PTPN21: variants seen among roughly 807,000 people sequenced by gnomAD.
The protein encoded by PTPN21 is protein tyrosine phosphatase non-receptor type 21.
Under a neutral mutation model 131.8 loss-of-function variants are expected in PTPN21, and 77 were observed. The observed-to-expected ratio is 0.58, with a 90% CI of 0.49 to 0.71. The LOEUF (loss-of-function observed/expected upper bound fraction) is 0.71. Ranked by LOEUF, PTPN21 falls within the 30% of genes least tolerant of loss-of-function variation. The pLI is 0.00. For missense variants in PTPN21, 1,552 were observed against 1,527.1 expected (o/e 1.02, Z -0.27); for synonymous variants, 715 against 621.3 (o/e 1.15, Z -2.24).
chr14:88,547,523 G>C, intron 2 of PTPN21: 1 of 334,744 alleles, frequency 3.0e-6, no homozygotes, highest in Non-Finnish European at 5.9e-6. Flanking sequence ...GTGTGGTGGA[G>C]TGTACCTGTA....
At chr14:88,525,045 C>T (rs2078454279) in intron 2 of PTPN21, among the ~76,000 whole-genome samples, 1 of 151,818 alleles carries the variant, frequency 6.6e-6, no homozygotes, top group South Asian at 2.1e-4. Context: ...AAGTTTGAGA[C>T]AATCGTGGAC....
chr14:88,502,009 G>A (rs2078016466), intron 6 of PTPN21, among the ~76,000 whole-genome samples: 1 of 151,904 alleles, frequency 6.6e-6, no homozygotes, highest in African/African-American at 2.4e-5. Flanking sequence ...CAAAATATGA[G>A]GCATTACTGA....
At position 88,479,768 on chromosome 14, in the gene PTPN21, G is replaced by A. The variant is rs1475801259; in HGVS notation, c.1663C>T (p.Pro555Ser). ...AQLQAQDYPS[P>S]NIMRTQVYRP... ...TACACCTGCGTCCGCATGATGTTGG[G>A]AGACGGGTAGTCCTGCGCCTGCAGC... The change falls in exon 13 of 19, where the codon CCC (proline) becomes TCC (serine). Residue 555 changes from proline to serine, a missense_variant. Physicochemically the swap from Pro to Ser is moderately conservative, Grantham distance 74 (BLOSUM62 -1). This residue lies in a region of PTPN21 where 1,016 missense variants were observed against 883.5 expected (regional missense o/e 1.15). Transcript: ENST00000556564. 12 of 1,545,618 alleles carry A rather than the reference G, an allele frequency of 7.8e-6. No homozygotes were observed. Among genetic ancestry groups the A allele is most frequent in the Admixed American group, 1.8e-5 (1 of 54,372 alleles).
At chr14:88,542,397 A>G (rs1342235357) in intron 2 of PTPN21, among the ~76,000 whole-genome samples, 2 of 152,192 alleles carry the variant, frequency 1.3e-5, no homozygotes, top group East Asian at 3.9e-4. Context: ...AATTCACCTT[A>G]CAAATCTCGA....
At chr14:88,517,527 G>C (rs1245766422) in intron 2 of PTPN21, among the ~76,000 whole-genome samples, 1 of 151,694 alleles carries the variant, frequency 6.6e-6, no homozygotes, top group Non-Finnish European at 1.5e-5. Context: ...ATACATTCAC[G>C]ACCTAGACAC....
chr14:88,480,656 A>G lies in PTPN21; in HGVS notation c.1079-304T>C, dbSNP rs114832994. Among the ~76,000 whole-genome samples the G allele has an allele frequency of 8.6e-3, 1,308 of 152,268 alleles. 27 individuals carry two copies. The highest frequency in any genetic ancestry group is 0.03 in the African/African-American group (1,232 of 41,552). ...ACTTTTTGGAACTCTGGGGAAGTTG[A>G]GGCAGAGATACCATTCAAGGCACTG... is the stretch of plus-strand genomic sequence containing the variant. On this transcript the variant is annotated intron_variant, in intron 12 of 18. Coordinates refer to ENST00000556564, the MANE Select transcript of PTPN21 (RefSeq NM_007039.4).
At chr14:88,517,724 ATATATACTATATATACACGTGTG>A (rs570060615) in intron 2 of PTPN21, among the ~76,000 whole-genome samples, 11,351 of 141,928 alleles carry the variant, frequency 0.08, 696 homozygotes, top group African/African-American at 0.18. Flanking sequence ...GTGTATGTGT[ATATATACTATATATACACGTGTG>A]TATATACTAG....
chr14:88,505,186 T>G (rs1566830627), intron 5 of PTPN21, 118 bp downstream of exon 5: 1 of 848,192 alleles, frequency 1.2e-6, no homozygotes, highest in East Asian at 2.5e-5. Flanking sequence ...GAGGGAATTT[T>G]TTTTTATAAT....
intron 3 of PTPN21, among the ~76,000 whole-genome samples, chr14:88,512,123 T>C (rs1203859945): frequency 1.3e-5 from 2 of 152,322 alleles, no homozygotes; most frequent in East Asian, 3.9e-4. Flanking sequence ...ATCAACCTTA[T>C]GCCTACCACG....
chr14:88,505,471 A>G (rs1459964991), intron 4 of PTPN21, 100 bp from the exon 5 acceptor site: 4 of 731,334 alleles, frequency 5.5e-6, no homozygotes, highest in Non-Finnish European at 9.0e-6. Context: ...TGGTATGCTA[A>G]TATTTCAGAA....
rs1380681465 is a variant in PTPN21, at chr14:88,473,659, A to AC, written c.2649+5dup. 2 of 1,612,080 alleles carry AC rather than the reference A, an allele frequency of 1.2e-6. No individual in the cohort carries two copies. Reference sequence around the variant, plus strand: ...AGGCACAAAGCCCTGTGTGTCCCATACATACCCTTTCATCATTCGTTGCTC... The same window carrying AC: ...AGGCACAAAGCCCTGTGTGTCCCATACCATACCCTTTCATCATTCGTTGCTC... On this transcript the variant is annotated splice_donor_region_variant and intron_variant, in intron 14 of 18. Coordinates refer to ENST00000556564, the MANE Select transcript of PTPN21 (RefSeq NM_007039.4).
Position 88,473,722 on chromosome 14 carries a change from T to C in PTPN21, c.2592A>G (p.Arg864=). The change falls in exon 14 of 19, where the codon CGA becomes CGG. Residue 864 remains arginine, a synonymous_variant. Transcript: ENST00000556564. ...CCTTTCCTTCATCAGGCAGAGGCACTCGAGATAGGGAGAGTCCATTTAGGG... is the reference window on the plus strand; with the variant it reads ...CCTTTCCTTCATCAGGCAGAGGCACCCGAGATAGGGAGAGTCCATTTAGGG... The part of the protein sequence containing the change: ...LAALNGLSLS[R]VPLPDEGKEV... The C allele has an allele frequency of 6.2e-7, 1 of 1,612,982 alleles. No homozygotes were observed. The highest frequency in any genetic ancestry group is 8.5e-7 in the Non-Finnish European group (1 of 1,179,830).
chr14:88,485,283 G>A, intron 11 of PTPN21, 123 bp from the exon 12 acceptor site: 1 of 543,104 alleles, frequency 1.8e-6, no homozygotes, highest in East Asian at 3.2e-5. Context: ...TATTATATAT[G>A]GAAAATAAAC....
intron 10 of PTPN21, among the ~76,000 whole-genome samples, chr14:88,486,491 C>T (rs1399906210): frequency 6.6e-6 from 1 of 152,068 alleles, no homozygotes; most frequent in African/African-American, 2.4e-5. Context: ...CCAGCCTAGA[C>T]AACATAGTGA....
intron 2 of PTPN21, 24 bp from the exon 3 acceptor site, chr14:88,517,285 A>C: frequency 4.3e-6 from 7 of 1,609,904 alleles, no homozygotes; most frequent in Non-Finnish European, 6.0e-6. Context: ...AGGTCATTGA[A>C]GGAGGCAATA....
At chr14:88,508,964 C>T (rs1373641685) in intron 3 of PTPN21, among the ~76,000 whole-genome samples, 2 of 152,134 alleles carry the variant, frequency 1.3e-5, no homozygotes, top group African/African-American at 4.8e-5. Flanking sequence ...GTATTCTGCA[C>T]GAACTTGGGC....
chr14:88,469,040 G>T lies in PTPN21; in HGVS notation c.3272C>A (p.Thr1091Lys), dbSNP rs1045831807. The T allele has an allele frequency of 6.2e-7, 1 of 1,614,130 alleles. No homozygotes were observed. The highest frequency in any genetic ancestry group is 1.3e-5 in the African/African-American group (1 of 75,046). ...LEEIQSVRRH[T>K]NSTSDPQSPN... Reference sequence around the variant, plus strand: ...GCTTTGGGGATCACTTGTGCTATTTGTATGGCGTCGAACAGACTGGATCTC... The same window carrying T: ...GCTTTGGGGATCACTTGTGCTATTTTTATGGCGTCGAACAGACTGGATCTC... Residue 1091 changes from threonine to lysine, a missense_variant, in exon 18 of 19, where the codon ACA becomes AAA. Thr to Lys is a moderately conservative substitution (Grantham distance 78). Around this residue, in one of 4 missense-constraint regions of PTPN21, gnomAD observed 316 missense variants for 378.5 expected, o/e 0.83. Transcript: ENST00000556564. The surrounding 1 kb of genome is among the most constrained non-coding windows in gnomAD (Gnocchi z 4.3).
chr14:88,514,256 T>C (rs2078228242), intron 3 of PTPN21, among the ~76,000 whole-genome samples: 1 of 152,208 alleles, frequency 6.6e-6, no homozygotes, highest in Admixed American at 6.5e-5. Flanking sequence ...TATTTTCATA[T>C]TCACCTGTTA....
intron 8 of PTPN21, among the ~76,000 whole-genome samples, chr14:88,498,446 T>A (rs935094275): frequency 6.6e-6 from 1 of 152,218 alleles, no homozygotes; most frequent in Non-Finnish European, 1.5e-5. Flanking sequence ...TGTGTCAGAT[T>A]TGCTTGATGG....
Sources: allele counts gnomAD v4.1 joint callset (sites outside exome capture counted in the v4.1 genomes callset), GRCh38; gene constraint gnomAD v4.1.1; regional missense constraint gnomAD v4.1.1; non-coding constraint Gnocchi (gnomAD v3.1); transcripts MANE v1.5; gene names NCBI Gene and HGNC (gene_info 2026-07-23, HGNC 2026-07-21).